The following MSMP variants were observed in gnomAD, a reference collection of about 807,000 sequenced individuals.
MSMP encodes prostate-associated microseminoprotein.
In MSMP, 9 loss-of-function variants were observed where a neutral mutation model predicts 15.8. That is an observed-to-expected ratio of 0.57 (90% CI 0.34 to 0.99). The LOEUF (loss-of-function observed/expected upper bound fraction) is 0.99. MSMP is among the 50% of genes least tolerant of loss of function. The pLI is 0.02. For missense variants in MSMP, 170 were observed against 173.4 expected (o/e 0.98, Z 0.11); for synonymous variants, 64 against 64.4 (o/e 0.99, Z 0.03).
rs767394535 is a variant in MSMP, at chr9:35,753,259, G to A, written c.261C>T (p.Phe87=). 1.9e-5 allele frequency: 30 copies of A among 1,613,858 alleles called. No homozygotes were observed. The Admixed American group carries it at 4.5e-4, about 24-fold the overall frequency. The change falls in exon 3 of 3, where the codon TTC becomes TTT. Residue 87 remains phenylalanine (F), a synonymous_variant. Transcript: ENST00000436428. The surrounding 1 kb of genome is among the most constrained non-coding windows in gnomAD (Gnocchi z 4.2). The stretch of plus-strand genomic sequence containing the variant: ...CCTGACGTACCTCACACCCAGCCGG[G>A]AAGTCGATGGGATGCTGGGACCTGG... ...CCDTSQHPID[F]PAGCEVRQEA...
chr9:35,754,174 C>A lies in MSMP; in HGVS notation c.-45G>T. On this transcript the variant is annotated 5_prime_UTR_variant, in exon 1 of 3. Transcript: ENST00000436428. ...CAGACCCTTCTTGGCCTCTGCTCAG[C>A]TACTCTGGTCTTGACTCCTTGACTT... 6.3e-7 allele frequency: 1 copy of A among 1,581,472 alleles called. No homozygotes were observed. The highest frequency in any genetic ancestry group is 1.1e-5 in the South Asian group (1 of 87,722).
Position 35,753,061 on chromosome 9 carries a change from G to A in MSMP, c.*39C>T, listed in dbSNP as rs1392719264. 6.2e-7 allele frequency: 1 copy of A among 1,602,676 alleles called. No homozygotes were observed. Among genetic ancestry groups the A allele is most frequent in the Non-Finnish European group, 8.5e-7 (1 of 1,171,872 alleles). The stretch of plus-strand genomic sequence containing the variant: ...GCTAGTGGTTTCCCTGGAAGTGGCA[G>A]CAGCAGTGAGCAGTCAGCAGATGGA... On this transcript the variant is annotated 3_prime_UTR_variant, in exon 3 of 3. Coordinates refer to ENST00000436428, the MANE Select transcript of MSMP (RefSeq NM_001044264.3). This position sits in a 1 kb window ranked among gnomAD's most constrained non-coding sequence, Gnocchi z 4.2.
Position 35,753,166 on chromosome 9 carries a change from C to A in MSMP, c.354G>T (p.Gly118=). The part of the protein sequence containing the change: ...SDPRLPCKGG[G]PDPEWGSANT... ...TGGCTGAGCCCCATTCTGGGTCAGG[C>A]CCTCCCCCTTTGCAGGGCAGCCGAG... The change falls in exon 3 of 3, where the codon GGG becomes GGT. Residue 118 remains glycine (G), a synonymous_variant. Coordinates refer to ENST00000436428, the MANE Select transcript of MSMP (RefSeq NM_001044264.3). The surrounding 1 kb of genome is among the most constrained non-coding windows in gnomAD (Gnocchi z 4.2). 1 of 1,614,134 alleles carries A rather than the reference C, an allele frequency of 6.2e-7. No homozygotes were observed. Among genetic ancestry groups the A allele is most frequent in the Non-Finnish European group, 8.5e-7 (1 of 1,180,002 alleles).
chr9:35,753,003 A>G lies in MSMP; in HGVS notation c.*97T>C. 1.3e-6 allele frequency: 2 copies of G among 1,545,926 alleles called. No homozygotes were observed. Among genetic ancestry groups the G allele is most frequent in the African/African-American group, 1.4e-5 (1 of 73,276 alleles). Reference sequence around the variant, plus strand: ...TGAGAGTCGGGCTTTCAGCTATAGCATTAATTTATTTGTTCAGAATACATT... The same window carrying G: ...TGAGAGTCGGGCTTTCAGCTATAGCGTTAATTTATTTGTTCAGAATACATT... On this transcript the variant is annotated 3_prime_UTR_variant, in exon 3 of 3. Coordinates refer to ENST00000436428, the MANE Select transcript of MSMP (RefSeq NM_001044264.3). The surrounding 1 kb of genome is among the most constrained non-coding windows in gnomAD (Gnocchi z 4.2).
rs765447101 is a variant in MSMP at position 35,753,710 on chromosome 9, G to C, written c.189C>G (p.Asp63Glu). The C allele has an allele frequency of 6.2e-7, 1 of 1,614,174 alleles. No individual in the cohort carries two copies. Among genetic ancestry groups the C allele is most frequent in the South Asian group, 1.1e-5 (1 of 91,084 alleles). The change falls in exon 2 of 3, where the codon GAC becomes GAG. Residue 63 changes from aspartate to glutamate, a missense_variant. Transcript: ENST00000436428. This position sits in a 1 kb window ranked among gnomAD's most constrained non-coding sequence, Gnocchi z 4.2. ...FTLGESWLRKDCFHCTCLHPV... is the reference protein window; with the variant it reads ...FTLGESWLRKECFHCTCLHPV... ...GATGCAGACAGGTGCAATGGAAACA[G>C]TCCTTGCGGAGCCAAGACTCACCCA...
chr9:35,753,244 C>G lies in MSMP; in HGVS notation c.276G>C (p.Glu92Asp). The G allele has an allele frequency of 6.2e-7, 1 of 1,614,108 alleles. No individual in the cohort carries two copies. The highest frequency in any genetic ancestry group is 8.5e-7 in the Non-Finnish European group (1 of 1,180,022). Residue 92 changes from glutamate to aspartate, a missense_variant, in exon 3 of 3, where the codon GAG (glutamate) becomes GAC (aspartate). Transcript: ENST00000436428. This position sits in a 1 kb window ranked among gnomAD's most constrained non-coding sequence, Gnocchi z 4.2. ...GGCAGGTTCCTGCCTCCTGACGTAC[C>G]TCACACCCAGCCGGGAAGTCGATGG... ...QHPIDFPAGCEVRQEAGTCQF... is the reference protein window; with the variant it reads ...QHPIDFPAGCDVRQEAGTCQF...
At position 35,754,063 on chromosome 9, in the gene MSMP, A is replaced by G. The variant is rs1827321143; in HGVS notation, c.67T>C (p.Leu23=). The part of the protein sequence containing the change: ...GILGGWGIIC[L]VMSLLLQHPG... ...TGCTGGAGGAGTAGAGACATCACCAAGCAGATGATCCCCCAGCCTCCTAGG... is the reference window on the plus strand; with the variant it reads ...TGCTGGAGGAGTAGAGACATCACCAGGCAGATGATCCCCCAGCCTCCTAGG... Residue 23 remains leucine (L), a synonymous_variant, in exon 1 of 3, where the codon TTG becomes CTG. Coordinates refer to ENST00000436428, the MANE Select transcript of MSMP (RefSeq NM_001044264.3). The G allele has an allele frequency of 6.2e-7, 1 of 1,613,690 alleles. No individual in the cohort carries two copies. The highest frequency in any genetic ancestry group is 1.3e-5 in the African/African-American group (1 of 74,874).
chr9:35,753,299 G>C lies in MSMP; in HGVS notation c.240-19C>G, dbSNP rs1054891660. ...CTGGGACCTGGGGAACCAAGGATAG[G>C]GGAAGGAGTCAGCACAGTGAAAGGC... On this transcript the variant is annotated intron_variant, in intron 2 of 2. Transcript: ENST00000436428. This position sits in a 1 kb window ranked among gnomAD's most constrained non-coding sequence, Gnocchi z 4.2. 1 of 1,610,838 alleles carries C rather than the reference G, an allele frequency of 6.2e-7. No homozygotes were observed. Among genetic ancestry groups the C allele is most frequent in the Admixed American group, 1.7e-5 (1 of 59,994 alleles).
chr9:35,753,464 C>T lies in MSMP; in HGVS notation c.240-184G>A. On this transcript the variant is annotated intron_variant, in intron 2 of 2. Coordinates refer to ENST00000436428, the MANE Select transcript of MSMP (RefSeq NM_001044264.3). This position sits in a 1 kb window ranked among gnomAD's most constrained non-coding sequence, Gnocchi z 4.2. ...TTGTTTTATAACAGGAGTATTTTCT[C>T]TCCAGGTCCACCCCAACCTCCCCTG... 1.3e-6 allele frequency: 1 copy of T among 785,222 alleles called. No homozygotes were observed. Among genetic ancestry groups the T allele is most frequent in the East Asian group, 2.7e-5 (1 of 37,206 alleles). 48.6% of individuals were successfully genotyped at this position (785,222 alleles called of 1,614,324 possible).
chr9:35,753,272 T>C lies in MSMP; in HGVS notation c.248A>G (p.His83Arg), dbSNP rs1333780344. ...ACACCCAGCCGGGAAGTCGATGGGA[T>C]GCTGGGACCTGGGGAACCAAGGATA... ...VGVGCCDTSQ[H>R]PIDFPAGCEV... is the part of the protein sequence containing the mutation. Residue 83 changes from histidine to arginine, a missense_variant, in exon 3 of 3, where the codon CAT becomes CGT. His to Arg is a conservative substitution (Grantham distance 29). Transcript: ENST00000436428. This position sits in a 1 kb window ranked among gnomAD's most constrained non-coding sequence, Gnocchi z 4.2. The C allele has an allele frequency of 1.2e-6, 2 of 1,613,416 alleles. No individual in the cohort carries two copies. Among genetic ancestry groups the C allele is most frequent in the African/African-American group, 2.7e-5 (2 of 74,900 alleles).
rs1213942234 is a variant in MSMP, at chr9:35,753,386, A to G, written c.240-106T>C. 8.5e-6 allele frequency: 11 copies of G among 1,287,908 alleles called. No individual in the cohort carries two copies. Among genetic ancestry groups the G allele is most frequent in the Non-Finnish European group, 1.2e-5 (11 of 936,372 alleles). 79.8% of individuals were successfully genotyped at this position (1,287,908 alleles called of 1,614,324 possible). A position where few individuals can be genotyped will look rare whatever the true frequency, so the allele number is the denominator to read the frequency against. On this transcript the variant is annotated intron_variant, in intron 2 of 2. Transcript: ENST00000436428. The surrounding 1 kb of genome is among the most constrained non-coding windows in gnomAD (Gnocchi z 4.2). Reference sequence around the variant, plus strand: ...GTTTTCCCCCCACAGAGCCCCTTTCAGTGGCCCCTTGGTCCTCCTAACTAA... The same window carrying G: ...GTTTTCCCCCCACAGAGCCCCTTTCGGTGGCCCCTTGGTCCTCCTAACTAA...
Position 35,753,377 on chromosome 9 carries a change from G to A in MSMP, c.240-97C>T. The stretch of plus-strand genomic sequence containing the variant: ...TCTCTCACAGTTTTCCCCCCACAGA[G>A]CCCCTTTCAGTGGCCCCTTGGTCCT... On this transcript the variant is annotated intron_variant, in intron 2 of 2. Coordinates refer to ENST00000436428, the MANE Select transcript of MSMP (RefSeq NM_001044264.3). The surrounding 1 kb of genome is among the most constrained non-coding windows in gnomAD (Gnocchi z 4.2). 1 of 1,374,506 alleles carries A rather than the reference G, an allele frequency of 7.3e-7. No individual in the cohort carries two copies. Among genetic ancestry groups the A allele is most frequent in the South Asian group, 1.3e-5 (1 of 74,306 alleles). 85.1% of individuals were successfully genotyped at this position (1,374,506 alleles called of 1,614,324 possible). A position where few individuals can be genotyped will look rare whatever the true frequency, so the allele number is the denominator to read the frequency against.
In MSMP at chr9:35,753,365, TC is replaced by T. The variant is rs776607932; in HGVS notation, c.240-86del. ...CCACATGTTCCCTCTCTCACAGTTTTCCCCCCACAGAGCCCCTTTCAGTGGC... is the reference window on the plus strand; with the variant it reads ...CCACATGTTCCCTCTCTCACAGTTTTCCCCCACAGAGCCCCTTTCAGTGGC... On this transcript the variant is annotated intron_variant, in intron 2 of 2. Transcript: ENST00000436428. This position sits in a 1 kb window ranked among gnomAD's most constrained non-coding sequence, Gnocchi z 4.2. 2.8e-5 allele frequency: 41 copies of T among 1,469,580 alleles called. No homozygotes were observed. Among genetic ancestry groups the T allele is most frequent in the Non-Finnish European group, 3.8e-5 (41 of 1,085,768 alleles). 91.0% of individuals were successfully genotyped at this position (1,469,580 alleles called of 1,614,324 possible).
chr9:35,754,030 C>G lies in MSMP; in HGVS notation c.100G>C (p.Val34Leu), dbSNP rs1827319951. 1 of 1,613,718 alleles carries G rather than the reference C, an allele frequency of 6.2e-7. No homozygotes were observed. The highest frequency in any genetic ancestry group is 1.1e-5 in the South Asian group (1 of 91,080). ...GCTTGGAAGTAGCACTTGCTGTAGA[C>G]TCCTGGGTGCTGGAGGAGTAGAGAC... ...VMSLLLQHPGVYSKCYFQAQA... is the reference protein window; with the variant it reads ...VMSLLLQHPGLYSKCYFQAQA... The change falls in exon 1 of 3, where the codon GTC becomes CTC. Residue 34 changes from valine to leucine, a missense_variant. Val to Leu is a conservative substitution (Grantham distance 32). Transcript: ENST00000436428.
Position 35,753,052 on chromosome 9 carries a change from G to A in MSMP, c.*48C>T. ...TTGGCAGCTGCTAGTGGTTTCCCTG[G>A]AAGTGGCAGCAGCAGTGAGCAGTCA... On this transcript the variant is annotated 3_prime_UTR_variant, in exon 3 of 3. Coordinates refer to ENST00000436428, the MANE Select transcript of MSMP (RefSeq NM_001044264.3). The surrounding 1 kb of genome is among the most constrained non-coding windows in gnomAD (Gnocchi z 4.2). 1 of 1,597,300 alleles carries A rather than the reference G, an allele frequency of 6.3e-7. No homozygotes were observed. The highest frequency in any genetic ancestry group is 1.1e-5 in the South Asian group (1 of 90,194).
Position 35,753,933 on chromosome 9 carries a change from G to A in MSMP, c.130+67C>T. The A allele has an allele frequency of 5.1e-6, 8 of 1,571,784 alleles. No individual in the cohort carries two copies. The African/African-American group carries it at 9.4e-5, about 19-fold the overall frequency. On this transcript the variant is annotated intron_variant, in intron 1 of 2. Transcript: ENST00000436428. This position sits in a 1 kb window ranked among gnomAD's most constrained non-coding sequence, Gnocchi z 4.2. ...TGGGTATTTTGACACGGGATCATCT[G>A]TAAGGCCCCATCCTCCCTGTGCCCT...
Position 35,754,062 on chromosome 9 carries a change from A to C in MSMP, c.68T>G (p.Leu23Trp). Residue 23 changes from leucine (L) to tryptophan (W), a missense_variant, in exon 1 of 3, where the codon TTG becomes TGG. By Grantham distance (61) the Leu-to-Trp change is moderately conservative. Transcript: ENST00000436428. ...GILGGWGIIC[L>W]VMSLLLQHPG... ...GTGCTGGAGGAGTAGAGACATCACC[A>C]AGCAGATGATCCCCCAGCCTCCTAG... 6.2e-7 allele frequency: 1 copy of C among 1,613,780 alleles called. No individual in the cohort carries two copies. Among genetic ancestry groups the C allele is most frequent in the Admixed American group, 1.7e-5 (1 of 59,980 alleles).
rs368712632 is a variant in MSMP at position 35,753,971 on chromosome 9, T to C, written c.130+29A>G. 5.3e-5 allele frequency: 85 copies of C among 1,601,614 alleles called. No individual in the cohort carries two copies. In the African/African-American group the frequency reaches 1.1e-3, roughly 20 times the overall value. On this transcript the variant is annotated intron_variant, in intron 1 of 2. Transcript: ENST00000436428. This position sits in a 1 kb window ranked among gnomAD's most constrained non-coding sequence, Gnocchi z 4.2. ...CTCCCTGTGCCCTCTCTGCTGCTCC[T>C]CCATTCCTAACGCTTCACCCCACTT...
Position 35,753,230 on chromosome 9 carries a change from G to C in MSMP, c.290C>G (p.Ala97Gly). The part of the protein sequence containing the change: ...FPAGCEVRQE[A>G]GTCQFSLVQK... ...CACCAAGGAGAACTGGCAGGTTCCT[G>C]CCTCCTGACGTACCTCACACCCAGC... Residue 97 changes from alanine to glycine, a missense_variant, in exon 3 of 3, where the codon GCA becomes GGA. Transcript: ENST00000436428. This position sits in a 1 kb window ranked among gnomAD's most constrained non-coding sequence, Gnocchi z 4.2. 1 of 1,614,162 alleles carries C rather than the reference G, an allele frequency of 6.2e-7. No individual in the cohort carries two copies. The highest frequency in any genetic ancestry group is 2.2e-5 in the East Asian group (1 of 44,882).
Sources: gnomAD v4.1 joint callset for allele counts on GRCh38, gnomAD v4.1.1 for gene constraint, Gnocchi (gnomAD v3.1) non-coding constraint, MANE v1.5 for transcripts, NCBI Gene and HGNC (gene_info 2026-07-23, HGNC 2026-07-21) for gene names.